The following RBFOX1 variants were observed in gnomAD, a reference collection of about 807,000 sequenced individuals.
RBFOX1 encodes RNA binding protein fox-1 homolog 1.
Under a neutral mutation model 57.7 loss-of-function variants are expected in RBFOX1, and 8 were observed. The observed-to-expected ratio is 0.14, with a 90% CI of 0.08 to 0.25. RBFOX1 has a LOEUF of 0.25. RBFOX1 is among the 10% of genes least tolerant of loss of function. RBFOX1 has a pLI of 1.00. For synonymous variants in RBFOX1, 326 were observed against 222.4 expected, an observed-to-expected ratio of 1.47 and a Z score of -4.15; for missense variants, 611 against 548.5, an observed-to-expected ratio of 1.11 and a Z score of -1.14.
chr16:6,568,615 T>G (rs961749492), intron 2 of RBFOX1, among the ~76,000 whole-genome samples: 1 of 152,118 alleles, frequency 6.6e-6, no homozygotes, highest in Admixed American at 6.5e-5. Flanking sequence ...AGGGCCATCT[T>G]GGGGGTTCAT....
intron 14 of RBFOX1, chr16:7,693,196 G>C: frequency 2.6e-6 from 2 of 758,788 alleles, no homozygotes; most frequent in Non-Finnish European, 2.3e-6. Flanking sequence ...ACATTTCCTC[G>C]CAACATCCAT....
chr16:5,967,915 C>T (rs2059880725), intron 4 of RBFOX1, among the ~76,000 whole-genome samples: 1 of 152,110 alleles, frequency 6.6e-6, no homozygotes, highest in Admixed American at 6.5e-5. Flanking sequence ...CCTACCATTC[C>T]TCTGTTTTTC....
At chr16:5,686,770 C>T (rs1263096263) in intron 3 of RBFOX1, among the ~76,000 whole-genome samples, 1 of 151,982 alleles carries the variant, frequency 6.6e-6, no homozygotes, top group African/African-American at 2.4e-5. Context: ...AGTATTTTTT[C>T]CAGTAGAAAT....
rs191981129 is a variant in RBFOX1 at position 6,649,613 on chromosome 16, A to G, written c.-63-4990A>G. On this transcript the variant is annotated intron_variant, in intron 2 of 15. Transcript: ENST00000550418. ...TCCCACTTATGAATGAGAACATGCA[A>G]TGTTTCGTTTTCCATTCGTGACTTG... Among the ~76,000 whole-genome samples, 59 of 152,222 alleles carry G rather than the reference A, an allele frequency of 3.9e-4. 1 individual carries two copies. The East Asian group carries it at 6.8e-3, about 17-fold the overall frequency.
intron 2 of RBFOX1, among the ~76,000 whole-genome samples, chr16:5,504,874 C>G (rs143116393): frequency 2.7e-4 from 41 of 152,244 alleles, no homozygotes; most frequent in African/African-American, 9.9e-4. Context: ...GGAGGCCATT[C>G]CAGGAAACTT....
chr16:6,204,265 G>A (rs1405538214), intron 1 of RBFOX1, among the ~76,000 whole-genome samples: 3 of 152,096 alleles, frequency 2.0e-5, no homozygotes, highest in Non-Finnish European at 4.4e-5. Flanking sequence ...TGGGGAAAAT[G>A]GGAATACAAA....
At chr16:7,376,956 A>G (rs182191814) in intron 4 of RBFOX1, among the ~76,000 whole-genome samples, 1 of 152,344 alleles carries the variant, frequency 6.6e-6, no homozygotes, top group East Asian at 1.9e-4. Context: ...AGAGGTAAAC[A>G]TAGTATCCTT....
intron 3 of RBFOX1, among the ~76,000 whole-genome samples, chr16:7,028,867 G>C (rs2041809714): frequency 6.6e-6 from 1 of 150,790 alleles, no homozygotes. Context: ...GCTTGGATCT[G>C]AGTGGGAATC....
intron 2 of RBFOX1, among the ~76,000 whole-genome samples, chr16:5,468,402 G>C (rs1399937678): frequency 6.6e-6 from 1 of 152,016 alleles, no homozygotes; most frequent in African/African-American, 2.4e-5. Context: ...CTGTCTCTGT[G>C]GGCTCACCTA....
intron 3 of RBFOX1, among the ~76,000 whole-genome samples, chr16:6,752,651 A>G (rs1360741883): frequency 6.6e-6 from 1 of 152,122 alleles, no homozygotes; most frequent in Admixed American, 6.6e-5. Context: ...CCTGCTCTGG[A>G]ATACCGGTAA....
chr16:5,503,196 T>G (rs2043259175), intron 2 of RBFOX1, among the ~76,000 whole-genome samples: 2 of 152,184 alleles, frequency 1.3e-5, no homozygotes, highest in South Asian at 4.1e-4. Context: ...TGTGCCACAG[T>G]GTCCTCCTCT....
chr16:6,028,507 G>GT (rs1186768848), intron 1 of RBFOX1, among the ~76,000 whole-genome samples: 112 of 40,152 alleles, frequency 2.8e-3, no homozygotes, highest in African/African-American at 9.0e-3. Flanking sequence ...CCCTGTCTCT[G>GT]TTAAAAAAAA....
At chr16:6,359,078 T>TTTTG (rs149046972) in intron 2 of RBFOX1, among the ~76,000 whole-genome samples, 14,663 of 151,126 alleles carry the variant, frequency 0.097, 1,243 homozygotes, top group African/African-American at 0.23. Context: ...TTGAAAGGGT[T>TTTTG]TTTGTTTGTT....
chr16:6,975,988 A>G (rs1279645885), intron 3 of RBFOX1, among the ~76,000 whole-genome samples: 1 of 151,940 alleles, frequency 6.6e-6, no homozygotes, highest in Non-Finnish European at 1.5e-5. Flanking sequence ...TTAGCCAGGC[A>G]TGGTGGTGGG....
intron 2 of RBFOX1, among the ~76,000 whole-genome samples, chr16:5,572,871 G>C (rs1162295852): frequency 2.0e-5 from 3 of 152,198 alleles, no homozygotes; most frequent in Non-Finnish European, 2.9e-5. Context: ...AAGGTACTCA[G>C]GGTTGAGGCC....
At chr16:5,975,406 G>A (rs1317050188) in intron 4 of RBFOX1, among the ~76,000 whole-genome samples, 2 of 152,182 alleles carry the variant, frequency 1.3e-5, no homozygotes, top group Non-Finnish European at 2.9e-5. Context: ...GTGCCTGGCT[G>A]CTACATTACT....
At chr16:7,504,862 C>G (rs1466275181) in intron 4 of RBFOX1, among the ~76,000 whole-genome samples, 1 of 138,752 alleles carries the variant, frequency 7.2e-6, no homozygotes, top group African/African-American at 3.0e-5. Context: ...TGGAAGAATA[C>G]CAGCTGTTCT....
At chr16:7,641,974 A>G (rs1296764907) in intron 11 of RBFOX1, among the ~76,000 whole-genome samples, 1 of 152,038 alleles carries the variant, frequency 6.6e-6, no homozygotes, top group Admixed American at 6.6e-5. Flanking sequence ...ACCAAACCAG[A>G]TGTGATGGTG....
chr16:7,254,624 G>T (rs1378641092), intron 4 of RBFOX1, among the ~76,000 whole-genome samples: 1 of 151,944 alleles, frequency 6.6e-6, no homozygotes, highest in Admixed American at 6.5e-5. Flanking sequence ...CTTAAAAGAG[G>T]AAAAATTTTT....
Sources: allele counts gnomAD v4.1 joint callset (sites outside exome capture counted in the v4.1 genomes callset), GRCh38; gene constraint gnomAD v4.1.1; transcripts MANE v1.5; gene names NCBI Gene and HGNC (gene_info 2026-07-23, HGNC 2026-07-21).